Variants in SALL2 observed in about 807,000 individuals in gnomAD.
The protein encoded by SALL2 is spalt like transcription factor 2, also known as sal-like protein 2.
A neutral mutation model predicts 58.5 loss-of-function variants in SALL2; 32 were observed. The observed-to-expected ratio is 0.55, with a 90% CI of 0.41 to 0.74. SALL2 has a LOEUF of 0.74. SALL2 is among the 30% of genes least tolerant of loss of function. SALL2 has a pLI of 0.00. For synonymous variants in SALL2, 516 were observed against 513.6 expected, an observed-to-expected ratio of 1.00 and a Z score of -0.06; for missense variants, 1,201 against 1,268.9, an observed-to-expected ratio of 0.95 and a Z score of 0.81.
chr14:21,524,256 G>A lies in SALL2; in HGVS notation c.1466C>T (p.Thr489Ile). ...TTALSATESL[T>I]LLSTSAGTAT... ...TGTGCCTGCACTGGTGGAGAGCAGA[G>A]TCAGGCTCTCTGTGGCACTGAGTGC... Residue 489 changes from threonine (T) to isoleucine (I), a missense_variant, in exon 2 of 2, where the codon ACT (threonine) becomes ATT (isoleucine). By Grantham distance (89) the Thr-to-Ile change is moderately conservative (BLOSUM62 -1). Transcript: ENST00000537235. 6.2e-7 allele frequency: 1 copy of A among 1,613,846 alleles called. No homozygotes were observed. The highest frequency in any genetic ancestry group is 1.1e-5 in the South Asian group (1 of 91,038).
At position 21,526,266 on chromosome 14, in the gene SALL2, G is replaced by GGCAGGGA. The variant is rs1726663768; in HGVS notation, c.-146_-140dup. ...GGAGATGGAGATCGGCAGCGGCGGG[G>GGCAGGGA]GCAGGGAGCAGCGGCGGAGGGGGAG... On this transcript the variant is annotated 5_prime_UTR_variant, in exon 1 of 2. Transcript: ENST00000537235. The GGCAGGGA allele has an allele frequency of 6.9e-7, 1 of 1,446,484 alleles. No individual in the cohort carries two copies. The highest frequency in any genetic ancestry group is 9.1e-7 in the Non-Finnish European group (1 of 1,103,604). 89.6% of individuals were successfully genotyped at this position (1,446,484 alleles called of 1,614,324 possible). A position where few individuals can be genotyped will look rare whatever the true frequency, so the allele number is the denominator to read the frequency against.
At chr14:21,530,266 T>G (rs1253228100), upstream of SALL2, among the ~76,000 whole-genome samples, 1 of 147,344 alleles carries the variant, frequency 6.8e-6, no homozygotes, top group African/African-American at 2.5e-5. Flanking sequence ...GAGCCATATT[T>G]CTTTTTTTTT....
rs960364735 is a variant in SALL2 at position 21,522,674 on chromosome 14, A to G, written c.*30T>C. On this transcript the variant is annotated 3_prime_UTR_variant, in exon 2 of 2. Coordinates refer to ENST00000537235, the MANE Select transcript of SALL2 (RefSeq NM_001364564.1). ...TGTGAAGCTGTTTCTGCTCTGTGGGACAAAGAGCAGCAGGTACAGAAAAAC... is the reference window on the plus strand; with the variant it reads ...TGTGAAGCTGTTTCTGCTCTGTGGGGCAAAGAGCAGCAGGTACAGAAAAAC... 1 of 1,510,902 alleles carries G rather than the reference A, an allele frequency of 6.6e-7. No individual in the cohort carries two copies. The highest frequency in any genetic ancestry group is 1.4e-5 in the African/African-American group (1 of 71,668). 93.6% of individuals were successfully genotyped at this position (1,510,902 alleles called of 1,614,324 possible).
Position 21,522,270 on chromosome 14 carries a change from A to C in SALL2, c.*434T>G, listed in dbSNP as rs1892067425. 6.4e-7 allele frequency: 1 copy of C among 1,561,032 alleles called. No individual in the cohort carries two copies. The highest frequency in any genetic ancestry group is 8.6e-7 in the Non-Finnish European group (1 of 1,158,820). ...CTAGAAAGATAGGGGACCCATACCC[A>C]CCAGCTGAGCAGAAAGGTCACCCCA... On this transcript the variant is annotated 3_prime_UTR_variant, in exon 2 of 2. Coordinates refer to ENST00000537235, the MANE Select transcript of SALL2 (RefSeq NM_001364564.1).
Position 21,524,226 on chromosome 14 carries a change from G to C in SALL2, c.1496C>G (p.Thr499Arg). 1 of 1,612,706 alleles carries C rather than the reference G, an allele frequency of 6.2e-7. No homozygotes were observed. The highest frequency in any genetic ancestry group is 8.5e-7 in the Non-Finnish European group (1 of 1,179,302). Residue 499 changes from threonine (T) to arginine (R), a missense_variant, in exon 2 of 2, where the codon ACG (threonine) becomes AGG (arginine). Around this residue, in one of 3 missense-constraint regions of SALL2, gnomAD observed 675 missense variants for 683.8 expected, o/e 0.99. Transcript: ENST00000537235. ...ATTGAAAGCAGGGAGTCCTGGAGCC[G>C]TGGCTGTGCCTGCACTGGTGGAGAG... ...TLLSTSAGTA[T>R]APGLPAFNKF...
chr14:21,536,979 G>A (rs1248509112), exon 1 of SALL2: 1 of 1,510,686 alleles, frequency 6.6e-7, no homozygotes, highest in African/African-American at 1.4e-5. Context: ...TAACCGGGGT[G>A]ACCTGGTCTC....
intron 1 of SALL2, chr14:21,536,809 G>T (rs762565316): frequency 1.3e-6 from 2 of 1,576,688 alleles, no homozygotes; most frequent in Non-Finnish European, 1.7e-6. Flanking sequence ...ACCCACACAG[G>T]CTTGGACTTA....
In SALL2 at chr14:21,522,564, C is replaced by G; in HGVS notation, c.*140G>C. The G allele has an allele frequency of 1.4e-6, 2 of 1,401,668 alleles. No individual in the cohort carries two copies. The highest frequency in any genetic ancestry group is 1.9e-6 in the Non-Finnish European group (2 of 1,080,812). 86.8% of individuals were successfully genotyped at this position (1,401,668 alleles called of 1,614,324 possible). On this transcript the variant is annotated 3_prime_UTR_variant, in exon 2 of 2. Coordinates refer to ENST00000537235, the MANE Select transcript of SALL2 (RefSeq NM_001364564.1). ...GCACAGTAATTTCCAAGCTCAGGGACTACAGAAAAGCCACTAGGGACATAA... is the reference window on the plus strand; with the variant it reads ...GCACAGTAATTTCCAAGCTCAGGGAGTACAGAAAAGCCACTAGGGACATAA...
intron 1 of SALL2, among the ~76,000 whole-genome samples, chr14:21,533,347 G>C (rs999509254): frequency 5.9e-5 from 9 of 151,774 alleles, no homozygotes; most frequent in Non-Finnish European, 1.3e-4. Flanking sequence ...AATGTAAACA[G>C]AGCCCCCAAA....
In SALL2 at chr14:21,523,876, AGGT is replaced by A. The variant is rs1892159056; in HGVS notation, c.1843_1845del (p.Thr615del). On this transcript the variant is annotated inframe_deletion, in exon 2 of 2. Transcript: ENST00000537235. This position sits in a 1 kb window ranked among gnomAD's most constrained non-coding sequence, Gnocchi z 4.4. ...GCTGAGGATGAAGGTGCAGGGGCAG[AGGT>A]GGTGGGGGCTCCTGAGGCAGCTGAG... 1.9e-6 allele frequency: 3 copies of A among 1,614,054 alleles called. No homozygotes were observed. The South Asian group carries it at 3.3e-5, about 18-fold the overall frequency.
rs200430124 is a variant in SALL2 at position 21,524,935 on chromosome 14, A to T, written c.787T>A (p.Ser263Thr). The T allele has an allele frequency of 6.2e-7, 1 of 1,614,090 alleles. No homozygotes were observed. The highest frequency in any genetic ancestry group is 2.2e-5 in the East Asian group (1 of 44,868). The change falls in exon 2 of 2, where the codon TCA becomes ACA. Residue 263 changes from serine (S) to threonine (T), a missense_variant. Physicochemically the swap from Ser to Thr is moderately conservative, Grantham distance 58 (BLOSUM62 1). Transcript: ENST00000537235. ...GCCTGCTTGGGCGTTTCTGCCCCTG[A>T]AGAGGAAGAGGAGGAGGAGGAGGAA... is the stretch of plus-strand genomic sequence containing the variant. Reference protein sequence around the residue: ...ASSSSSSSSSSGAETPKQAFF... With the variant: ...ASSSSSSSSSTGAETPKQAFF...
In SALL2 at chr14:21,526,099, C is replaced by CGA. The variant is rs1391455329; in HGVS notation, c.27_28dup (p.Arg10LeufsTer52). Reference sequence around the variant, plus strand: ...CGGCTCCCCGCAGGGCACCCCGAGACGAGAGCTCCTCTCGGATTCGTGCGC... The same window carrying CGA: ...CGGCTCCCCGCAGGGCACCCCGAGACGAGAGAGCTCCTCTCGGATTCGTGCGC... On this transcript the variant is annotated frameshift_variant, in exon 1 of 2. Coordinates refer to ENST00000537235, the MANE Select transcript of SALL2 (RefSeq NM_001364564.1). LOFTEE classifies it high-confidence loss of function. The CGA allele has an allele frequency of 5.8e-6, 9 of 1,538,650 alleles. No individual in the cohort carries two copies. The African/African-American group carries it at 1.1e-4, about 19-fold the overall frequency.
chr14:21,524,495 G>A lies in SALL2; in HGVS notation c.1227C>T (p.Thr409=), dbSNP rs147828211. 30 of 1,614,254 alleles carry A rather than the reference G, an allele frequency of 1.9e-5. No homozygotes were observed. The African/African-American group carries it at 3.6e-4, about 19-fold the overall frequency. ...AATGCACTTTGAGGTTGCCACGGGTGGTAAAACGGTTTCCACAGACATTGC... is the reference window on the plus strand; with the variant it reads ...AATGCACTTTGAGGTTGCCACGGGTAGTAAAACGGTTTCCACAGACATTGC... The part of the protein sequence containing the change: ...YKCNVCGNRF[T]TRGNLKVHFH... The change falls in exon 2 of 2, where the codon ACC becomes ACT. Residue 409 remains threonine (T), a synonymous_variant. Coordinates refer to ENST00000537235, the MANE Select transcript of SALL2 (RefSeq NM_001364564.1).
chr14:21,525,994 G>C lies in SALL2; in HGVS notation c.67+67C>G. The stretch of plus-strand genomic sequence containing the variant: ...ATGCATTTTCTCCCACCCACCGAAA[G>C]TCTTCGCCGCCCCTGCGCATCCCCC... On this transcript the variant is annotated intron_variant, in intron 1 of 1. Transcript: ENST00000537235. The surrounding 1 kb of genome is among the most constrained non-coding windows in gnomAD (Gnocchi z 4.4). 7.3e-7 allele frequency: 1 copy of C among 1,368,538 alleles called. No homozygotes were observed. The highest frequency in any genetic ancestry group is 1.0e-6 in the Non-Finnish European group (1 of 994,866). 84.8% of individuals were successfully genotyped at this position (1,368,538 alleles called of 1,614,324 possible).
rs779246362 is a variant in SALL2 at position 21,522,929 on chromosome 14, G to A, written c.2793C>T (p.His931=). 1.5e-5 allele frequency: 24 copies of A among 1,614,022 alleles called. No homozygotes were observed. In the East Asian group the frequency reaches 4.5e-4, roughly 30 times the overall value. ...AAGTGAAGAGCGGCCCCTCCTTGGGGTGGGTCTTCTGATGCTCCTCCAGAG... is the reference window on the plus strand; with the variant it reads ...AAGTGAAGAGCGGCCCCTCCTTGGGATGGGTCTTCTGATGCTCCTCCAGAG... ...QAALEEHQKT[H]PKEGPLFTCV... The change falls in exon 2 of 2, where the codon CAC becomes CAT. Residue 931 remains histidine, a synonymous_variant. Transcript: ENST00000537235.
Position 21,523,330 on chromosome 14 carries a change from C to A in SALL2, c.2392G>T (p.Gly798Cys), listed in dbSNP as rs1892126737. The A allele has an allele frequency of 6.2e-7, 1 of 1,613,630 alleles. No individual in the cohort carries two copies. Among genetic ancestry groups the A allele is most frequent in the South Asian group, 1.1e-5 (1 of 91,088 alleles). Residue 798 changes from glycine (G) to cysteine (C), a missense_variant, in exon 2 of 2, where the codon GGT becomes TGT. Transcript: ENST00000537235. The surrounding 1 kb of genome is among the most constrained non-coding windows in gnomAD (Gnocchi z 4.4). ...SGGEKAISVR[G>C]DSEEASGAEE... ...GCCCCAGATGCCTCTTCTGAATCACCTCTCACTGATATTGCCTTCTCACCT... is the reference window on the plus strand; with the variant it reads ...GCCCCAGATGCCTCTTCTGAATCACATCTCACTGATATTGCCTTCTCACCT...
In SALL2 at chr14:21,525,645, C is replaced by G. The variant is rs948899545; in HGVS notation, c.77G>C (p.Ser26Thr). 1 of 1,571,724 alleles carries G rather than the reference C, an allele frequency of 6.4e-7. No individual in the cohort carries two copies. Among genetic ancestry groups the G allele is most frequent in the African/African-American group, 1.3e-5 (1 of 74,178 alleles). ...GEPAELGGDA[S>T]EEDHPQVCAK... ...ACAGACTTGGGGGTGATCCTCCTCG[C>G]TAGCATCACCTGGGGAGAAGACAAG... The change falls in exon 2 of 2, where the codon AGC (serine) becomes ACC (threonine). Residue 26 changes from serine (S) to threonine (T), a missense_variant. Physicochemically the swap from Ser to Thr is moderately conservative, Grantham distance 58 (BLOSUM62 1). Transcript: ENST00000537235. The surrounding 1 kb of genome is among the most constrained non-coding windows in gnomAD (Gnocchi z 4.4).
upstream of SALL2, among the ~76,000 whole-genome samples, chr14:21,530,373 C>T (rs148464697): frequency 3.3e-3 from 485 of 149,018 alleles, 1 homozygote; most frequent in Middle Eastern, 0.021. Context: ...CCGCAACCTC[C>T]ACCTCCCAGG....
In SALL2 at chr14:21,522,311, G is replaced by A. The variant is rs1395716544; in HGVS notation, c.*393C>T. 7.4e-6 allele frequency: 11 copies of A among 1,496,198 alleles called. No individual in the cohort carries two copies. Among genetic ancestry groups the A allele is most frequent in the Non-Finnish European group, 8.0e-6 (9 of 1,123,488 alleles). 92.7% of individuals were successfully genotyped at this position (1,496,198 alleles called of 1,614,324 possible). A position where few individuals can be genotyped will look rare whatever the true frequency, so the allele number is the denominator to read the frequency against. On this transcript the variant is annotated 3_prime_UTR_variant, in exon 2 of 2. Coordinates refer to ENST00000537235, the MANE Select transcript of SALL2 (RefSeq NM_001364564.1). ...GGTCACCCCAGAGGAGTGGCACTGG[G>A]CCCTCCAGAGACAGCTGCCAGCCCT...
Sources: allele counts gnomAD v4.1 joint callset (sites outside exome capture counted in the v4.1 genomes callset), GRCh38; gene constraint gnomAD v4.1.1; regional missense constraint gnomAD v4.1.1; non-coding constraint Gnocchi (gnomAD v3.1); transcripts MANE v1.5; gene names NCBI Gene and HGNC (gene_info 2026-07-23, HGNC 2026-07-21).